Variants in ZNF212 observed in about 807,000 individuals in gnomAD.
The protein encoded by ZNF212 is Zinc finger protein C2H2-150.
Under a neutral mutation model 47.3 loss-of-function variants are expected in ZNF212, and 32 were observed. That is an observed-to-expected ratio of 0.68 (90% CI 0.51 to 0.91). ZNF212 has a LOEUF of 0.91. ZNF212 is among the 40% of genes least tolerant of loss of function. The pLI, the probability that ZNF212 is intolerant of heterozygous loss-of-function variation, is 0.00. For missense variants in ZNF212, 555 were observed against 622.8 expected (o/e 0.89, Z 1.16); for synonymous variants, 242 against 253.8 (o/e 0.95, Z 0.44).
At chr7:149,243,433 CAAAAAAAAAA>C (rs869068988) in intron 1 of ZNF212, among the ~76,000 whole-genome samples, 3 of 56,020 alleles carry the variant, frequency 5.4e-5, no homozygotes, top group Non-Finnish European at 6.8e-5. Context: ...GACTCCGTCT[CAAAAAAAAAA>C]AAAAAAAAAA....
At chr7:149,247,127 T>C (rs1163700131) in intron 1 of ZNF212, among the ~76,000 whole-genome samples, 1 of 151,512 alleles carries the variant, frequency 6.6e-6, no homozygotes, top group Non-Finnish European at 1.5e-5. Context: ...TTTTTTTTTT[T>C]TTAAGTGGTC....
rs138545225 is a variant in ZNF212, at chr7:149,241,536, T to G, written c.24+1734T>G. Among the ~76,000 whole-genome samples, 271 of 152,250 alleles carry G rather than the reference T, an allele frequency of 1.8e-3. 1 individual carries two copies. The highest frequency in any genetic ancestry group is 6.3e-3 in the African/African-American group (262 of 41,552). ...TTCAAATTGTTCTTGAGCCTGTTTC[T>G]CTTCTCAGACATTTCAGGTGTCTGT... On this transcript the variant is annotated intron_variant, in intron 1 of 4. Transcript: ENST00000335870.
In ZNF212 at chr7:149,250,760, T is replaced by G. The variant is rs1353873680; in HGVS notation, c.494T>G (p.Leu165Arg). ...AATCTGGAGGATTGGCAGAAGGAGC[T>G]CTACAGAAACGTGATGGAGAGTAAC... ...WENLEDWQKELYRNVMESNYE... is the reference protein window; with the variant it reads ...WENLEDWQKERYRNVMESNYE... Residue 165 changes from leucine to arginine, a missense_variant, in exon 3 of 5, where the codon CTC becomes CGC. By Grantham distance (102) the Leu-to-Arg change is moderately radical. Transcript: ENST00000335870. 5 of 1,614,192 alleles carry G rather than the reference T, an allele frequency of 3.1e-6. No homozygotes were observed. Among genetic ancestry groups the G allele is most frequent in the South Asian group, 1.1e-5 (1 of 91,084 alleles).
chr7:149,254,386 G>A lies in ZNF212; in HGVS notation c.1459G>A (p.Glu487Lys). The change falls in exon 5 of 5, where the codon GAG (glutamate) becomes AAG (lysine). Residue 487 changes from glutamate (E) to lysine (K), a missense_variant. Glu to Lys is a moderately conservative substitution (Grantham distance 56). Transcript: ENST00000335870. This position sits in a 1 kb window ranked among gnomAD's most constrained non-coding sequence, Gnocchi z 4.5. ...GCGGGAGCGGGGTGGGCTGGCCCTG[G>A]AGCCCGGAAGGCCCAATGGCCTGCT... Reference protein sequence around the residue: ...HQRERGGLALEPGRPNGLL With the variant: ...HQRERGGLALKPGRPNGLL The A allele has an allele frequency of 1.9e-6, 3 of 1,604,614 alleles. No homozygotes were observed. The highest frequency in any genetic ancestry group is 2.2e-5 in the South Asian group (2 of 90,960).
At chr7:149,252,267 G>A (rs751460793) in intron 3 of ZNF212, among the ~76,000 whole-genome samples, 4 of 152,196 alleles carry the variant, frequency 2.6e-5, no homozygotes, top group Non-Finnish European at 5.9e-5. Flanking sequence ...AAGTGACCTT[G>A]TAAGCTTGGT....
chr7:149,248,740 T>C (rs1796712208), intron 1 of ZNF212, among the ~76,000 whole-genome samples: 1 of 152,256 alleles, frequency 6.6e-6, no homozygotes, highest in Non-Finnish European at 1.5e-5. Flanking sequence ...ATATTTTGTT[T>C]TGTTTCGCTT....
At chr7:149,249,732 G>A (rs557934196) in intron 1 of ZNF212, among the ~76,000 whole-genome samples, 1 of 152,122 alleles carries the variant, frequency 6.6e-6, no homozygotes, top group Non-Finnish European at 1.5e-5. Context: ...GGCTCAAACC[G>A]TCCTCCCACC....
intron 1 of ZNF212, among the ~76,000 whole-genome samples, chr7:149,246,727 A>T (rs1008674750): frequency 3.3e-5 from 5 of 151,412 alleles, no homozygotes; most frequent in Admixed American, 2.0e-4. Flanking sequence ...AGCCCTTGGC[A>T]ACCACTGATC....
At chr7:149,241,131 A>G (rs1015982526) in intron 1 of ZNF212, among the ~76,000 whole-genome samples, 3 of 152,140 alleles carry the variant, frequency 2.0e-5, no homozygotes, top group African/African-American at 7.2e-5. Flanking sequence ...TGTTAGGAAG[A>G]AGCCTTAAAG....
chr7:149,253,707 C>T lies in ZNF212; in HGVS notation c.780C>T (p.Leu260=), dbSNP rs1796793007. The T allele has an allele frequency of 6.2e-7, 1 of 1,614,160 alleles. No individual in the cohort carries two copies. Among genetic ancestry groups the T allele is most frequent in the East Asian group, 2.2e-5 (1 of 44,890 alleles). The change falls in exon 5 of 5, where the codon CTC becomes CTT. Residue 260 remains leucine, a synonymous_variant. Transcript: ENST00000335870. ...GGGGTGGTCAGGGCAGTTCTGTCCT[C>T]TTGGAAACAGGTCCTGGGGACTCTA... ...ELWGGQGSSV[L]LETGPGDSTL...
At chr7:149,244,533 G>A (rs868345748) in intron 1 of ZNF212, among the ~76,000 whole-genome samples, 1 of 151,858 alleles carries the variant, frequency 6.6e-6, no homozygotes, top group African/African-American at 2.4e-5. Context: ...CAGGATGGTC[G>A]CGATCTCCTG....
chr7:149,244,894 AC>A (rs1351412590), intron 1 of ZNF212, among the ~76,000 whole-genome samples: 2 of 152,184 alleles, frequency 1.3e-5, no homozygotes, highest in Non-Finnish European at 2.9e-5. Context: ...TGGAGCAGAG[AC>A]GAACCATCCA....
Position 149,254,483 on chromosome 7 carries a change from A to G in ZNF212, c.*68A>G. On this transcript the variant is annotated 3_prime_UTR_variant, in exon 5 of 5. Transcript: ENST00000335870. This position sits in a 1 kb window ranked among gnomAD's most constrained non-coding sequence, Gnocchi z 4.5. The stretch of plus-strand genomic sequence containing the variant: ...ATTGGTTCCCCCGAAGAGACACTGC[A>G]GTCAGGGACTGAGTTCTTCCTGAGG... 6.6e-7 allele frequency: 1 copy of G among 1,513,244 alleles called. No homozygotes were observed. The highest frequency in any genetic ancestry group is 8.8e-7 in the Non-Finnish European group (1 of 1,141,004). 93.7% of individuals were successfully genotyped at this position (1,513,244 alleles called of 1,614,324 possible).
intron 3 of ZNF212, among the ~76,000 whole-genome samples, chr7:149,251,898 A>G (rs1240593210): frequency 6.8e-6 from 1 of 146,654 alleles, no homozygotes; most frequent in East Asian, 2.1e-4. Flanking sequence ...TGAGGCTAGG[A>G]GTTCGAAATC....
intron 4 of ZNF212, 103 bp downstream of exon 4, chr7:149,252,898 C>T (rs1482914287): frequency 1.8e-6 from 2 of 1,100,430 alleles, no homozygotes; most frequent in East Asian, 5.1e-5. Context: ...GTGACCTCAT[C>T]TGGCATCTGC....
chr7:149,243,433 C>CA (rs869068988), intron 1 of ZNF212, among the ~76,000 whole-genome samples: 724 of 56,012 alleles, frequency 0.013, 115 homozygotes, highest in Non-Finnish European at 0.016. Context: ...GACTCCGTCT[C>CA]AAAAAAAAAA....
In ZNF212 at chr7:149,253,956, T is replaced by C. The variant is rs144663336; in HGVS notation, c.1029T>C (p.Ser343=). 70 of 1,613,894 alleles carry C rather than the reference T, an allele frequency of 4.3e-5. No individual in the cohort carries two copies. Among genetic ancestry groups the C allele is most frequent in the Non-Finnish European group, 5.5e-5 (65 of 1,179,996 alleles). ...TGCGCAGCCACTCTGGGTGGGGGTC[T>C]TGTACACCTGAGGAGCCAGAGGAGA... ...THLRSHSGWG[S]CTPEEPEESL... The change falls in exon 5 of 5, where the codon TCT becomes TCC. Residue 343 remains serine (S), a synonymous_variant. Coordinates refer to ENST00000335870, the MANE Select transcript of ZNF212 (RefSeq NM_012256.4).
Position 149,252,793 on chromosome 7 carries a change from C to T in ZNF212, c.629C>T (p.Pro210Leu). The change falls in exon 4 of 5, where the codon CCA becomes CTA. Residue 210 changes from proline to leucine, a missense_variant and splice_region_variant. Transcript: ENST00000335870. Reference sequence around the variant, plus strand: ...GAGGAAGGTCCTGGTGGTGCCCACCCAGGTGAGTGGCTCTGGAATATTCTG... The same window carrying T: ...GAGGAAGGTCCTGGTGGTGCCCACCTAGGTGAGTGGCTCTGGAATATTCTG... Reference protein sequence around the residue: ...LEEEGPGGAHPAGGVMIKQEL... With the variant: ...LEEEGPGGAHLAGGVMIKQEL... The T allele has an allele frequency of 1.9e-6, 3 of 1,613,834 alleles. No homozygotes were observed. Among genetic ancestry groups the T allele is most frequent in the Non-Finnish European group, 2.5e-6 (3 of 1,179,914 alleles).
intron 1 of ZNF212, among the ~76,000 whole-genome samples, chr7:149,244,608 T>C (rs761947861): frequency 1.2e-3 from 184 of 152,330 alleles, no homozygotes; most frequent in Admixed American, 2.8e-3. Flanking sequence ...CCACTGCACC[T>C]GGCCAGAAAT....
Sources: allele counts gnomAD v4.1 joint callset (sites outside exome capture counted in the v4.1 genomes callset), GRCh38; gene constraint gnomAD v4.1.1; non-coding constraint Gnocchi (gnomAD v3.1); transcripts MANE v1.5; gene names NCBI Gene and HGNC (gene_info 2026-07-23, HGNC 2026-07-21).